Variants in GATA3 observed in about 807,000 individuals in gnomAD.
The protein encoded by GATA3 is GATA binding protein 3, also known as trans-acting T-cell-specific transcription factor GATA-3.
Under a neutral mutation model 36.0 loss-of-function variants are expected in GATA3, and 6 were observed. The observed-to-expected ratio is 0.17, with a 90% CI of 0.09 to 0.33. The LOEUF (loss-of-function observed/expected upper bound fraction) is 0.33. Among genes scored for constraint, GATA3 ranks in the 10% least tolerant of loss-of-function variants. The probability of loss-of-function intolerance (pLI) is 1.00; values close to 1 mark genes in which losing one functional copy is unlikely to be tolerated. For missense variants in GATA3, 514 were observed against 610.1 expected, an observed-to-expected ratio of 0.84 and a Z score of 1.66; for synonymous variants, 326 against 273.0, an observed-to-expected ratio of 1.19 and a Z score of -1.92.
At chr10:8,049,582 G>A (rs1007929660), upstream of GATA3, among the ~76,000 whole-genome samples, 2 of 152,128 alleles carry the variant, frequency 1.3e-5, no homozygotes, top group Non-Finnish European at 2.9e-5. Flanking sequence ...CCGCGCAGCC[G>A]GGGCCAGCGG....
At chr10:8,046,877 C>T (rs1027920554) in intron 1 of GATA3, among the ~76,000 whole-genome samples, 52 of 152,026 alleles carry the variant, frequency 3.4e-4, no homozygotes, top group African/African-American at 1.2e-3. Flanking sequence ...CAGCTCCCAG[C>T]CAGCTGCCCC....
chr10:8,051,080 C>G (rs752082304), upstream of GATA3: 1 of 526,874 alleles, frequency 1.9e-6, no homozygotes, highest in Admixed American at 2.0e-5. Flanking sequence ...CGCTCTGCGC[C>G]ATGGCCTCTG....
At chr10:8,052,353 A>G (rs2131472436), upstream of GATA3, 1 of 152,182 alleles carries the variant, frequency 6.6e-6, no homozygotes, top group East Asian at 1.9e-4. Context: ...CTACTTCCCC[A>G]TCCAAAATTA....
chr10:8,046,691 G>GTGTGTGTGTCTC (rs58533845), intron 1 of GATA3, among the ~76,000 whole-genome samples: 1 of 145,004 alleles, frequency 6.9e-6, no homozygotes, highest in East Asian at 2.0e-4. Context: ...GTGTGTGTGT[G>GTGTGTGTGTCTC]TCAGGGGCTT....
At chr10:8,066,898 A>G (rs946653515) in intron 4 of GATA3, among the ~76,000 whole-genome samples, 1 of 152,148 alleles carries the variant, frequency 6.6e-6, no homozygotes, top group African/African-American at 2.4e-5. Flanking sequence ...GCAAAAGATT[A>G]CATGCTGTAC....
At position 8,055,023 on chromosome 10, in the gene GATA3, G is replaced by A. The variant is rs1167679252; in HGVS notation, c.-370+132G>A. The A allele has an allele frequency of 1.1e-5, 2 of 177,010 alleles. No homozygotes were observed. The highest frequency in any genetic ancestry group is 2.4e-5 in the Non-Finnish European group (2 of 82,530). The allele number at this position is 177,010 out of a possible 1,614,324, so 11.0% of individuals were successfully genotyped here. ...TTCTAGGGGCTGAGAGGACGGTCCC[G>A]GGACCGGTGTCCCCGAGGGAGGGAC... is the stretch of plus-strand genomic sequence containing the variant. On this transcript the variant is annotated intron_variant, in intron 1 of 5. Transcript: ENST00000379328. The surrounding 1 kb of genome is among the most constrained non-coding windows in gnomAD (Gnocchi z 5.4).
intron 2 of GATA3, among the ~76,000 whole-genome samples, chr10:8,057,694 G>A (rs1832664245): frequency 6.6e-6 from 1 of 152,174 alleles, no homozygotes; most frequent in African/African-American, 2.4e-5. Flanking sequence ...AGCAAGCACT[G>A]GGTTAGGTTT....
chr10:8,073,169 A>AG (rs1832958582), intron 5 of GATA3, among the ~76,000 whole-genome samples: 4 of 148,562 alleles, frequency 2.7e-5, no homozygotes, highest in Non-Finnish European at 6.0e-5. Flanking sequence ...AAAAAAAAAA[A>AG]AGATCACCTT....
rs776699046 is a variant in GATA3, at chr10:8,058,468, G to C, written c.405G>C (p.Pro135=). ...CGGGGCCCCTCTCCGTCTACCCCCC[G>C]GCCTCGTCCTCCTCCTTGTCGGGGG... is the stretch of plus-strand genomic sequence containing the variant. The part of the protein sequence containing the change: ...GSPGPLSVYP[P]ASSSSLSGGH... The change falls in exon 3 of 6, where the codon CCG becomes CCC. Residue 135 remains proline, a synonymous_variant. Coordinates refer to ENST00000379328, the MANE Select transcript of GATA3 (RefSeq NM_001002295.2). 1 of 1,612,532 alleles carries C rather than the reference G, an allele frequency of 6.2e-7. No individual in the cohort carries two copies. Among genetic ancestry groups the C allele is most frequent in the East Asian group, 2.2e-5 (1 of 44,872 alleles).
chr10:8,046,583 A>G (rs1402911849), intron 1 of GATA3, among the ~76,000 whole-genome samples: 1 of 151,692 alleles, frequency 6.6e-6, no homozygotes, highest in East Asian at 1.9e-4. Flanking sequence ...CTGGGGGTCT[A>G]GCCAGGCAGG....
upstream of GATA3, chr10:8,052,902 G>A (rs955813158): frequency 6.6e-6 from 1 of 150,748 alleles, no homozygotes; most frequent in Non-Finnish European, 1.5e-5. Context: ...CGTGGCGGGG[G>A]GGGGGGGAGC....
At chr10:8,072,338 A>G (rs758457352) in intron 5 of GATA3, among the ~76,000 whole-genome samples, 8 of 152,216 alleles carry the variant, frequency 5.3e-5, no homozygotes, top group Non-Finnish European at 1.0e-4. Flanking sequence ...CTGTGGCGGA[A>G]GGCGATGCTT....
chr10:8,049,681 C>A (rs1832438411), upstream of GATA3, among the ~76,000 whole-genome samples: 1 of 152,172 alleles, frequency 6.6e-6, no homozygotes, highest in Non-Finnish European at 1.5e-5. Context: ...ATAGTCCTAT[C>A]CAGTAGAAAC....
chr10:8,056,320 A>G (rs1449406887), intron 2 of GATA3, among the ~76,000 whole-genome samples: 2 of 151,688 alleles, frequency 1.3e-5, no homozygotes, highest in African/African-American at 2.4e-5. Flanking sequence ...CTTCCAAAAA[A>G]CCTGGCGTTC....
upstream of GATA3, chr10:8,051,038 C>A (rs1003795788): frequency 1.9e-6 from 1 of 525,734 alleles, no homozygotes; most frequent in Non-Finnish European, 3.9e-6. Context: ...GGGTCTGTAG[C>A]CCTAGGGCTG....
chr10:8,073,889 A>C lies in GATA3; in HGVS notation c.1201A>C (p.Met401Leu), dbSNP rs1832972770. The change falls in exon 6 of 6, where the codon ATG becomes CTG. Residue 401 changes from methionine to leucine, a missense_variant. Physicochemically the swap from Met to Leu is conservative, Grantham distance 15. Around this residue, in one of 3 missense-constraint regions of GATA3, gnomAD observed 89 missense variants for 104.2 expected, o/e 0.85. Transcript: ENST00000379328. ...SFNPAALSRH[M>L]SSLSHISPFS... ...TAACCCGGCCGCCCTCTCCAGACAC[A>C]TGTCCTCCCTGAGCCACATCTCGCC... The C allele has an allele frequency of 6.2e-7, 1 of 1,614,004 alleles. No individual in the cohort carries two copies. The highest frequency in any genetic ancestry group is 8.5e-7 in the Non-Finnish European group (1 of 1,179,994).
upstream of GATA3, among the ~76,000 whole-genome samples, chr10:8,048,652 G>C (rs1165692608): frequency 1.4e-4 from 21 of 152,166 alleles, no homozygotes; most frequent in Admixed American, 1.4e-3. Flanking sequence ...GGAGAGAGCT[G>C]AAAAGGGCAC....
At chr10:8,063,069 G>T (rs974338530) in intron 3 of GATA3, among the ~76,000 whole-genome samples, 5 of 152,194 alleles carry the variant, frequency 3.3e-5, no homozygotes, top group African/African-American at 1.2e-4. Context: ...GGCCTGGCTG[G>T]TTTTTCGTTT....
chr10:8,066,499 C>G (rs1433508231), intron 4 of GATA3, among the ~76,000 whole-genome samples: 1 of 151,258 alleles, frequency 6.6e-6, no homozygotes, highest in Non-Finnish European at 1.5e-5. Flanking sequence ...ACACCTAGAA[C>G]CCTTTGTTTT....
Sources: allele counts gnomAD v4.1 joint callset (sites outside exome capture counted in the v4.1 genomes callset), GRCh38; gene constraint gnomAD v4.1.1; regional missense constraint gnomAD v4.1.1; non-coding constraint Gnocchi (gnomAD v3.1); transcripts MANE v1.5; gene names NCBI Gene and HGNC (gene_info 2026-07-23, HGNC 2026-07-21).